Variants in SLC24A2 observed in about 807,000 individuals in gnomAD.
SLC24A2 encodes sodium/potassium/calcium exchanger 2.
A neutral mutation model predicts 62.0 loss-of-function variants in SLC24A2; 36 were observed. The observed-to-expected ratio is 0.58, with a 90% CI of 0.44 to 0.77. The LOEUF (loss-of-function observed/expected upper bound fraction) is 0.77, where lower values mean the gene tolerates loss of function less well. Ranked by LOEUF, SLC24A2 falls within the 30% of genes least tolerant of loss-of-function variation. The probability of loss-of-function intolerance (pLI) is 0.00; values close to 1 mark genes in which losing one functional copy is unlikely to be tolerated. For missense variants in SLC24A2, 846 were observed against 817.9 expected, an observed-to-expected ratio of 1.03 and a Z score of -0.42; for synonymous variants, 358 against 294.0, an observed-to-expected ratio of 1.22 and a Z score of -2.23.
At chr9:19,921,486 C>G in the SLC24A2 span, among the ~76,000 whole-genome samples, 1 of 145,374 alleles carries the variant, frequency 6.9e-6, no homozygotes, top group African/African-American at 2.6e-5. Context: ...ACTGCACTGT[C>G]TCCAGCCTGG....
At chr9:19,589,618 T>C (rs938072737) in intron 5 of SLC24A2, among the ~76,000 whole-genome samples, 3 of 152,218 alleles carry the variant, frequency 2.0e-5, no homozygotes, top group Non-Finnish European at 4.4e-5. Context: ...TTCACTTATG[T>C]AATACACATT....
the SLC24A2 span, among the ~76,000 whole-genome samples, chr9:19,985,173 G>GT: frequency 6.6e-6 from 1 of 152,128 alleles, no homozygotes; most frequent in Admixed American, 6.5e-5. Context: ...TTGGAAAACA[G>GT]TTTGGCAGTT....
At chr9:20,152,679 A>T in the SLC24A2 span, among the ~76,000 whole-genome samples, 12 of 151,856 alleles carry the variant, frequency 7.9e-5, no homozygotes, top group Non-Finnish European at 1.3e-4. Flanking sequence ...TCCAGTTTTG[A>T]CTAGGATGCA....
the SLC24A2 span, among the ~76,000 whole-genome samples, chr9:19,960,051 C>A: frequency 6.6e-6 from 1 of 152,178 alleles, no homozygotes; most frequent in Non-Finnish European, 1.5e-5. Context: ...CAAAGGCCTG[C>A]AGAAAGTGTG....
the SLC24A2 span, among the ~76,000 whole-genome samples, chr9:20,080,019 A>T: frequency 1.3e-5 from 2 of 152,238 alleles, no homozygotes; most frequent in Non-Finnish European, 2.9e-5. Flanking sequence ...CATGGGTAGG[A>T]AGAATCAATA....
chr9:20,068,057 CTTTT>C, the SLC24A2 span, among the ~76,000 whole-genome samples: 5 of 89,742 alleles, frequency 5.6e-5, no homozygotes, highest in African/African-American at 1.9e-4. Flanking sequence ...TTTTTTGACT[CTTTT>C]TTTTTTTTTT....
At chr9:19,820,040 T>C in the SLC24A2 span, among the ~76,000 whole-genome samples, 1,907 of 20,762 alleles carry the variant, frequency 0.092, 40 homozygotes, top group Non-Finnish European at 0.19. Context: ...TATATATATA[T>C]ACATATATAT....
the SLC24A2 span, among the ~76,000 whole-genome samples, chr9:19,904,338 C>A: frequency 6.6e-6 from 1 of 152,144 alleles, no homozygotes; most frequent in Non-Finnish European, 1.5e-5. Context: ...GATTATACAC[C>A]AAAATCACCC....
chr9:20,241,143 A>G, the SLC24A2 span, among the ~76,000 whole-genome samples: 1 of 152,216 alleles, frequency 6.6e-6, no homozygotes, highest in South Asian at 2.1e-4. Context: ...GAATCTATCA[A>G]CACCTGCAAA....
intron 2 of SLC24A2, among the ~76,000 whole-genome samples, chr9:19,750,580 C>A (rs1564079481): frequency 6.6e-6 from 1 of 152,182 alleles, no homozygotes; most frequent in East Asian, 1.9e-4. Context: ...CTGAGCTCTG[C>A]CCCCGTCCAG....
chr9:19,995,311 T>C, the SLC24A2 span, among the ~76,000 whole-genome samples: 34 of 152,330 alleles, frequency 2.2e-4, no homozygotes, highest in African/African-American at 7.7e-4. Context: ...TAGAAATATG[T>C]TCATCCTTCA....
the SLC24A2 span, among the ~76,000 whole-genome samples, chr9:19,923,599 G>A: frequency 6.6e-6 from 1 of 152,166 alleles, no homozygotes; most frequent in African/African-American, 2.4e-5. Context: ...GCAGTCACAA[G>A]CCCACCCCAC....
At chr9:20,246,815 G>A in the SLC24A2 span, among the ~76,000 whole-genome samples, 1 of 152,180 alleles carries the variant, frequency 6.6e-6, no homozygotes. Context: ...AGCCTGACAG[G>A]AGCACCCATG....
At chr9:19,561,092 AT>A (rs956790773) in intron 7 of SLC24A2, among the ~76,000 whole-genome samples, 4 of 147,814 alleles carry the variant, frequency 2.7e-5, no homozygotes, top group Non-Finnish European at 4.5e-5. Flanking sequence ...CACCTGGCTA[AT>A]TTTTTTTTGT....
chr9:19,552,902 A>T (rs1834915310), intron 7 of SLC24A2, among the ~76,000 whole-genome samples: 2 of 152,218 alleles, frequency 1.3e-5, no homozygotes, highest in Admixed American at 1.3e-4. Context: ...GTCCAATGCA[A>T]ACAATTAACT....
the SLC24A2 span, among the ~76,000 whole-genome samples, chr9:20,050,273 G>A: frequency 1.5e-4 from 23 of 149,306 alleles, no homozygotes; most frequent in South Asian, 1.3e-3. Context: ...AAATTTAGCC[G>A]GTCATGGTGG....
At chr9:20,238,614 T>G in the SLC24A2 span, among the ~76,000 whole-genome samples, 612 of 152,330 alleles carry the variant, frequency 4.0e-3, 5 homozygotes, top group African/African-American at 0.014. Context: ...AAGTTCCCAG[T>G]CAATCCCTAT....
chr9:20,252,592 C>T, the SLC24A2 span, among the ~76,000 whole-genome samples: 2 of 152,186 alleles, frequency 1.3e-5, no homozygotes, highest in African/African-American at 2.4e-5. Context: ...CATTATGAAA[C>T]ATTAGGCAAG....
the SLC24A2 span, among the ~76,000 whole-genome samples, chr9:19,861,032 T>A: frequency 6.6e-6 from 1 of 152,148 alleles, no homozygotes; most frequent in Non-Finnish European, 1.5e-5. Context: ...GGGAAGGAGA[T>A]AGGCCTGGCT....
Sources: gnomAD v4.1 joint callset for allele counts (sites outside exome capture counted in the v4.1 genomes callset) on GRCh38, gnomAD v4.1.1 for gene constraint, MANE v1.5 for transcripts, NCBI Gene and HGNC (gene_info 2026-07-23, HGNC 2026-07-21) for gene names.